FAM227B: variants seen among roughly 807,000 people sequenced by gnomAD.
FAM227B encodes the protein protein FAM227B.
A neutral mutation model predicts 73.8 loss-of-function variants in FAM227B; 88 were observed. That is an observed-to-expected ratio of 1.19 (90% CI 1.00 to 1.42). The LOEUF is 1.42. Ranked by LOEUF, FAM227B falls within the 40% of genes most tolerant of loss-of-function variation. FAM227B has a pLI of 0.00. For missense variants in FAM227B, 632 were observed against 590.9 expected, an observed-to-expected ratio of 1.07 and a Z score of -0.72; for synonymous variants, 210 against 190.5, an observed-to-expected ratio of 1.10 and a Z score of -0.84.
At chr15:49,441,886 C>T (rs1331158583) in intron 11 of FAM227B, among the ~76,000 whole-genome samples, 1 of 151,286 alleles carries the variant, frequency 6.6e-6, no homozygotes, top group Non-Finnish European at 1.5e-5. Flanking sequence ...GAGCAACCTT[C>T]TCATTGTACT....
chr15:49,422,699 T>A (rs758292177), intron 11 of FAM227B: 1 of 1,228,566 alleles, frequency 8.1e-7, no homozygotes, highest in South Asian at 1.3e-5. Flanking sequence ...AGAATCTAGA[T>A]CTTCTCACTT....
At chr15:49,507,369 A>C (rs1443618519) in intron 11 of FAM227B, among the ~76,000 whole-genome samples, 1 of 152,140 alleles carries the variant, frequency 6.6e-6, no homozygotes, top group East Asian at 1.9e-4. Context: ...TCCTTGGCCT[A>C]TATCAAGGTA....
At chr15:49,395,493 C>T (rs548673507) in intron 11 of FAM227B, among the ~76,000 whole-genome samples, 7 of 152,294 alleles carry the variant, frequency 4.6e-5, no homozygotes, top group Admixed American at 2.0e-4. Context: ...AAAGCATCTA[C>T]GGATTCTGAG....
At position 49,509,100 on chromosome 15, in the gene FAM227B, G is replaced by A. The variant is rs555755176; in HGVS notation, c.875-752C>T. ...TGATTGACTAGTTTAAATAATTTCA[G>A]TAGGCTTTAGTGCATAGGAGCTACC... On this transcript the variant is annotated intron_variant, in intron 10 of 15. Coordinates refer to ENST00000299338, the MANE Select transcript of FAM227B (RefSeq NM_152647.3). 2.0e-4 allele frequency among the ~76,000 whole-genome samples: 31 copies of A among 152,254 alleles called. No homozygotes were observed. In the South Asian group the frequency reaches 6.0e-3, roughly 30 times the overall value.
intron 11 of FAM227B, among the ~76,000 whole-genome samples, chr15:49,433,495 A>C (rs1018611078): frequency 6.6e-6 from 1 of 151,708 alleles, no homozygotes; most frequent in Admixed American, 6.6e-5. Flanking sequence ...TAGATTACTA[A>C]ATTATCATGA....
At chr15:49,599,283 C>T (rs116874820) in intron 3 of FAM227B, among the ~76,000 whole-genome samples, 2,598 of 152,090 alleles carry the variant, frequency 0.017, 35 homozygotes, top group Middle Eastern at 0.037. Flanking sequence ...GTATCAACTT[C>T]AATGTCTCCT....
intron 12 of FAM227B, 31 bp from the exon 13 acceptor site, chr15:49,367,639 G>A (rs754755632): frequency 1.3e-6 from 2 of 1,524,380 alleles, no homozygotes; most frequent in Non-Finnish European, 1.7e-6. Context: ...TCAAGACAAC[G>A]ATTACTTTTG....
rs150308112 is a variant in FAM227B, at chr15:49,577,752, A to G, written c.406-88T>C. 3,574 of 672,634 alleles carry G rather than the reference A, an allele frequency of 5.3e-3. 11 individuals are homozygous for G. The highest frequency in any genetic ancestry group is 7.2e-3 in the Non-Finnish European group (2,876 of 398,578). 41.7% of individuals were successfully genotyped at this position (672,634 alleles called of 1,614,324 possible). A position where few individuals can be genotyped will look rare whatever the true frequency, so the allele number is the denominator to read the frequency against. ...ATTTGTTCAGTTAACTAGTATGCAT[A>G]GATAACTATAGATATATGTATATAT... is the stretch of plus-strand genomic sequence containing the variant. On this transcript the variant is annotated intron_variant, in intron 5 of 15. Transcript: ENST00000299338.
At chr15:49,389,790 C>A (rs980871114) in intron 11 of FAM227B, among the ~76,000 whole-genome samples, 1 of 151,936 alleles carries the variant, frequency 6.6e-6, no homozygotes, top group Non-Finnish European at 1.5e-5. Context: ...AAAGCTGAAA[C>A]AATTCCTGAA....
intron 13 of FAM227B, among the ~76,000 whole-genome samples, chr15:49,339,773 C>T (rs1423924637): frequency 6.6e-6 from 1 of 152,196 alleles, no homozygotes; most frequent in Non-Finnish European, 1.5e-5. Flanking sequence ...GGGGTTTTAT[C>T]TATAAGTCCC....
In FAM227B at chr15:49,477,059, C is replaced by T. The variant is rs1280760543; in HGVS notation, c.1012+31152G>A. On this transcript the variant is annotated intron_variant, in intron 11 of 15. Coordinates refer to ENST00000299338, the MANE Select transcript of FAM227B (RefSeq NM_152647.3). ...TGGGCGACAAAGCGAGACTCTGTCT[C>T]GAAAAAAAAAAAAAAATTGAGCAGA... Among the ~76,000 whole-genome samples, 9 of 83,712 alleles carry T rather than the reference C, an allele frequency of 1.1e-4. No homozygotes were observed. In the East Asian group the frequency reaches 2.0e-3, roughly 19 times the overall value. The allele number at this position is 83,712 out of a possible 152,430, so 54.9% of individuals were successfully genotyped here. A position where few individuals can be genotyped will look rare whatever the true frequency, so the allele number is the denominator to read the frequency against.
chr15:49,437,156 A>T (rs1355802133), intron 11 of FAM227B, among the ~76,000 whole-genome samples: 1 of 151,588 alleles, frequency 6.6e-6, no homozygotes, highest in Non-Finnish European at 1.5e-5. Flanking sequence ...ATAATTATCC[A>T]GACACTACAT....
At chr15:49,412,996 T>C (rs1431619261) in intron 11 of FAM227B, among the ~76,000 whole-genome samples, 1 of 152,106 alleles carries the variant, frequency 6.6e-6, no homozygotes, top group Non-Finnish European at 1.5e-5. Context: ...ATCCTGGTCT[T>C]CTCCCAGTCT....
intron 3 of FAM227B, among the ~76,000 whole-genome samples, chr15:49,602,934 T>G (rs2153311615): frequency 6.6e-6 from 1 of 152,358 alleles, no homozygotes; most frequent in African/African-American, 2.4e-5. Context: ...CTTAGCACCT[T>G]TGTTGAAAAT....
chr15:49,365,458 C>T, intron 13 of FAM227B: 2 of 898,166 alleles, frequency 2.2e-6, no homozygotes, highest in Middle Eastern at 2.5e-4. Flanking sequence ...GTCTCCAAAG[C>T]CCAATATTGA....
intron 9 of FAM227B, among the ~76,000 whole-genome samples, chr15:49,565,059 A>G (rs1362649625): frequency 1.3e-5 from 2 of 152,112 alleles, no homozygotes; most frequent in African/African-American, 4.8e-5. Context: ...ATGAGTTTAT[A>G]TAGTGCAATC....
intron 9 of FAM227B, among the ~76,000 whole-genome samples, chr15:49,544,628 T>C (rs945923488): frequency 7.9e-5 from 12 of 152,198 alleles, no homozygotes; most frequent in African/African-American, 2.9e-4. Flanking sequence ...TTCAGTATAA[T>C]GTTGGCTGTG....
chr15:49,482,345 C>G (rs907104358), intron 11 of FAM227B, among the ~76,000 whole-genome samples: 7 of 152,040 alleles, frequency 4.6e-5, no homozygotes, highest in African/African-American at 1.7e-4. Flanking sequence ...TTTGTAAATA[C>G]TATTTCAACA....
rs2056751617 is a variant in FAM227B at position 49,489,803 on chromosome 15, T to TTATATATATATATATATTA, written c.1012+18407_1012+18408insTAATATATATATATATATA. Among the ~76,000 whole-genome samples the TTATATATATATATATATTA allele has an allele frequency of 5.4e-3, 308 of 57,294 alleles. 64 individuals are homozygous for TTATATATATATATATATTA. The highest frequency in any genetic ancestry group is 8.9e-3 in the Non-Finnish European group (242 of 27,260). 37.6% of individuals were successfully genotyped at this position (57,294 alleles called of 152,430 possible). ...AGAACAGGAGATATATATATATATTTTATATATATATATATATTTTATATA... is the reference window on the plus strand; with the variant it reads ...AGAACAGGAGATATATATATATATTTTATATATATATATATATTATATATATATATATATATTTTATATA... On this transcript the variant is annotated intron_variant, in intron 11 of 15. Transcript: ENST00000299338.
Sources: allele counts gnomAD v4.1 joint callset (sites outside exome capture counted in the v4.1 genomes callset), GRCh38; gene constraint gnomAD v4.1.1; transcripts MANE v1.5; gene names NCBI Gene and HGNC (gene_info 2026-07-23, HGNC 2026-07-21).